SLFN12L: variants seen among roughly 807,000 people sequenced by gnomAD.
SLFN12L encodes the protein schlafen family member 12 like.
A neutral mutation model predicts 34.8 loss-of-function variants in SLFN12L; 34 were observed. The ratio of observed to expected loss-of-function variants is 0.98; its 90% CI spans 0.74 to 1.30. The LOEUF (loss-of-function observed/expected upper bound fraction) is 1.30, where lower values mean the gene tolerates loss of function less well. Among genes scored for constraint, SLFN12L ranks in the 50% most tolerant of loss-of-function variants. The pLI is 0.00. For synonymous variants in SLFN12L, 259 were observed against 247.5 expected (o/e 1.05, Z -0.44); for missense variants, 703 against 696.2 (o/e 1.01, Z -0.11).
intron 1 of SLFN12L, among the ~76,000 whole-genome samples, chr17:35,523,441 T>C (rs1042425946): frequency 2.0e-5 from 3 of 152,118 alleles, no homozygotes; most frequent in African/African-American, 7.2e-5. Flanking sequence ...GAAGAGGAAG[T>C]TACGTAAAAG....
chr17:35,534,973 T>G (rs1395594233), intron 1 of SLFN12L, among the ~76,000 whole-genome samples: 1 of 152,222 alleles, frequency 6.6e-6, no homozygotes, highest in Non-Finnish European at 1.5e-5. Context: ...CCTCATGAGC[T>G]GAAAGAGCTA....
intron 2 of SLFN12L, among the ~76,000 whole-genome samples, chr17:35,494,238 A>AAC (rs397787128): frequency 1.3e-5 from 2 of 149,002 alleles, no homozygotes; most frequent in Non-Finnish European, 3.0e-5. Context: ...TAAAAAAAAA[A>AAC]CAACAAAAAA....
At chr17:35,499,075 CCTGTATAAAA>C (rs1385954409) in intron 2 of SLFN12L, 1 of 841,654 alleles carries the variant, frequency 1.2e-6, no homozygotes, top group African/African-American at 1.7e-5. Flanking sequence ...TTTGACAACT[CCTGTATAAAA>C]CTTTGGAGCT....
chr17:35,477,872 C>T (rs192911031), intron 4 of SLFN12L: 21 of 398,588 alleles, frequency 5.3e-5, no homozygotes, highest in African/African-American at 4.1e-4. Flanking sequence ...AATATTCACA[C>T]ACTGCCTGAA....
In SLFN12L at chr17:35,501,543, C is replaced by T. The variant is rs34198630; in HGVS notation, c.86+20736G>A. On this transcript the variant is annotated intron_variant, in intron 2 of 4. Transcript: ENST00000628453. The stretch of plus-strand genomic sequence containing the variant: ...TGGTTTGGTGTAAACTGTAAAAGTG[C>T]GTGTGTGCCCTTTTTATCCGTTCTT... Among the ~76,000 whole-genome samples, 1,015 of 152,214 alleles carry T rather than the reference C, an allele frequency of 6.7e-3. 13 individuals carry two copies. The highest frequency in any genetic ancestry group is 0.023 in the African/African-American group (966 of 41,504).
intron 2 of SLFN12L, among the ~76,000 whole-genome samples, chr17:35,501,393 C>A (rs547246239): frequency 2.8e-4 from 43 of 152,348 alleles, no homozygotes; most frequent in Non-Finnish European, 5.3e-4. Context: ...ATGGCCTGAT[C>A]ACCCACAGCG....
intron 2 of SLFN12L, 21 bp downstream of exon 2, chr17:35,522,258 A>G: frequency 6.2e-7 from 1 of 1,613,466 alleles, no homozygotes; most frequent in Non-Finnish European, 8.5e-7. Context: ...ATACTTAGAG[A>G]CATAAGGTCC....
intron 2 of SLFN12L, chr17:35,487,935 G>A: frequency 1.4e-6 from 1 of 705,232 alleles, no homozygotes; most frequent in Non-Finnish European, 2.6e-6. Context: ...AACGACGGGC[G>A]CGGTGACTCA....
chr17:35,528,055 C>A (rs77426457), intron 1 of SLFN12L, among the ~76,000 whole-genome samples: 1 of 152,026 alleles, frequency 6.6e-6, no homozygotes, highest in African/African-American at 2.4e-5. Context: ...TCCTATGCAC[C>A]GATAACAGAC....
chr17:35,500,091 C>T (rs1287255666), intron 2 of SLFN12L: 1 of 152,190 alleles, frequency 6.6e-6, no homozygotes, highest in Non-Finnish European at 1.5e-5. Context: ...AACTAAGTTA[C>T]AGTTAATGAT....
intron 1 of SLFN12L, among the ~76,000 whole-genome samples, chr17:35,526,109 G>A (rs187160678): frequency 1.6e-3 from 242 of 152,238 alleles, no homozygotes; most frequent in Non-Finnish European, 2.6e-3. Flanking sequence ...AAAAGACAAA[G>A]AAGGGCATTA....
chr17:35,479,554 G>C lies in SLFN12L; in HGVS notation c.728C>G (p.Ser243Cys). ...GAAGTTTTTTATTTCAACGTGTGTG[G>C]ATTCAGTAAAGGTCAATTTTTCTTT... Reference protein sequence around the residue: ...GYKEKLTFTESTHVEIKNFST... With the variant: ...GYKEKLTFTECTHVEIKNFST... Residue 243 changes from serine (S) to cysteine (C), a missense_variant, in exon 3 of 5, where the codon TCC becomes TGC. Coordinates refer to ENST00000628453, the MANE Select transcript of SLFN12L (RefSeq NM_001363830.2). 1 of 1,614,068 alleles carries C rather than the reference G, an allele frequency of 6.2e-7. No individual in the cohort carries two copies. The highest frequency in any genetic ancestry group is 1.1e-5 in the South Asian group (1 of 91,018).
chr17:35,530,271 C>A (rs1170702154), intron 1 of SLFN12L, among the ~76,000 whole-genome samples: 1 of 147,894 alleles, frequency 6.8e-6, no homozygotes, highest in Admixed American at 6.8e-5. Context: ...CACTTGAACC[C>A]GGGAGGCGGA....
chr17:35,523,934 T>TA (rs900522419), intron 1 of SLFN12L, among the ~76,000 whole-genome samples: 249 of 145,906 alleles, frequency 1.7e-3, no homozygotes, highest in Non-Finnish European at 2.5e-3. Context: ...GAACTTGTCT[T>TA]AAAAAAAAAA....
In SLFN12L at chr17:35,479,526, C is replaced by G. The variant is rs767693278; in HGVS notation, c.756G>C (p.Ser252=). 6.2e-7 allele frequency: 1 copy of G among 1,614,134 alleles called. No individual in the cohort carries two copies. The highest frequency in any genetic ancestry group is 2.2e-5 in the East Asian group (1 of 44,890). Residue 252 remains serine, a synonymous_variant, in exon 3 of 5, where the codon TCG becomes TCC. Coordinates refer to ENST00000628453, the MANE Select transcript of SLFN12L (RefSeq NM_001363830.2). ...TAATTCGTTGTAACAACTTTTCAGT[C>G]GAGAAGTTTTTTATTTCAACGTGTG... The part of the protein sequence containing the change: ...ESTHVEIKNF[S]TEKLLQRITE...
intron 2 of SLFN12L, among the ~76,000 whole-genome samples, chr17:35,515,392 T>G (rs1036651070): frequency 6.6e-6 from 1 of 152,204 alleles, no homozygotes; most frequent in African/African-American, 2.4e-5. Context: ...TGTATAGGAT[T>G]ACCACTGAGT....
intron 2 of SLFN12L, among the ~76,000 whole-genome samples, chr17:35,515,878 G>A (rs191973148): frequency 4.6e-5 from 7 of 151,676 alleles, no homozygotes; most frequent in African/African-American, 9.7e-5. Flanking sequence ...TCCTGACCTC[G>A]TGATCTACCC....
intron 2 of SLFN12L, among the ~76,000 whole-genome samples, chr17:35,513,924 A>G (rs1915733480): frequency 6.6e-6 from 1 of 152,230 alleles, no homozygotes; most frequent in Non-Finnish European, 1.5e-5. Context: ...TAAGTCAGGC[A>G]AGCACGCGAA....
At chr17:35,512,518 A>G (rs1451620489) in intron 2 of SLFN12L, among the ~76,000 whole-genome samples, 2 of 152,072 alleles carry the variant, frequency 1.3e-5, no homozygotes, top group Non-Finnish European at 2.9e-5. Flanking sequence ...GGCGCCCGCC[A>G]CCATGTCCGG....
Sources: gnomAD v4.1 joint callset for allele counts (sites outside exome capture counted in the v4.1 genomes callset) on GRCh38, gnomAD v4.1.1 for gene constraint, MANE v1.5 for transcripts, NCBI Gene and HGNC (gene_info 2026-07-23, HGNC 2026-07-21) for gene names.